PLPP1: variants seen among roughly 807,000 people sequenced by gnomAD.
PLPP1 encodes lipid phosphate phosphohydrolase 1a.
In PLPP1, 24 loss-of-function variants were observed where a neutral mutation model predicts 31.2. The ratio of observed to expected loss-of-function variants is 0.77; its 90% confidence interval spans 0.56 to 1.08. PLPP1 has a LOEUF of 1.08. Ranked by LOEUF, PLPP1 falls within the 50% of genes least tolerant of loss-of-function variation. The pLI is 0.00. For missense variants in PLPP1, 319 were observed against 342.7 expected (o/e 0.93, Z 0.55); for synonymous variants, 146 against 126.3 (o/e 1.16, Z -1.05).
chr5:55,481,362 A>C (rs1041304860), intron 1 of PLPP1, among the ~76,000 whole-genome samples: 1 of 152,192 alleles, frequency 6.6e-6, no homozygotes. Context: ...AGCACCATGG[A>C]TATATTGTTC....
At chr5:55,530,188 C>A (rs1333298225) in intron 1 of PLPP1, 1 of 1,322,886 alleles carries the variant, frequency 7.6e-7, no homozygotes, top group Non-Finnish European at 1.1e-6. Flanking sequence ...TCTTCAACAG[C>A]AGTTTGACAT....
rs35550771 is a variant in PLPP1, at chr5:55,483,669, C to CAA, written c.59-8221_59-8220dup. On this transcript the variant is annotated intron_variant, in intron 1 of 5. Coordinates refer to ENST00000307259, the MANE Select transcript of PLPP1 (RefSeq NM_003711.4). The stretch of plus-strand genomic sequence containing the variant: ...CCTGGGTGACAAAGGGAGACTGTCT[C>CAA]AAAAAAAAAAAAAAAAAACTACATT... 9.1e-3 allele frequency among the ~76,000 whole-genome samples: 1,064 copies of CAA among 117,074 alleles called. 20 individuals carry two copies. The highest frequency in any genetic ancestry group is 0.066 in the South Asian group (214 of 3,222). 76.8% of individuals were successfully genotyped at this position (117,074 alleles called of 152,430 possible). A position where few individuals can be genotyped will look rare whatever the true frequency, so the allele number is the denominator to read the frequency against.
chr5:55,512,099 A>C (rs1753428028), intron 1 of PLPP1, among the ~76,000 whole-genome samples: 1 of 151,840 alleles, frequency 6.6e-6, no homozygotes, highest in Non-Finnish European at 1.5e-5. Flanking sequence ...ATTGCACTCC[A>C]GCCTAGGCAA....
At chr5:55,440,855 G>A (rs1205466061) in intron 4 of PLPP1, among the ~76,000 whole-genome samples, 1 of 151,956 alleles carries the variant, frequency 6.6e-6, no homozygotes, top group Non-Finnish European at 1.5e-5. Flanking sequence ...TTATCATACG[G>A]CACTTAATGT....
At chr5:55,469,100 T>A (rs1342896361) in intron 2 of PLPP1, among the ~76,000 whole-genome samples, 5 of 151,986 alleles carry the variant, frequency 3.3e-5, no homozygotes, top group Non-Finnish European at 7.4e-5. Context: ...CAAACCCATA[T>A]CCTGAGAATT....
At chr5:55,489,432 T>G (rs1288094644) in intron 1 of PLPP1, among the ~76,000 whole-genome samples, 1 of 152,190 alleles carries the variant, frequency 6.6e-6, no homozygotes, top group African/African-American at 2.4e-5. Context: ...AACTAAAATT[T>G]AAGTAACCAG....
intron 3 of PLPP1, among the ~76,000 whole-genome samples, chr5:55,455,623 T>TA (rs1233306750): frequency 6.6e-6 from 1 of 152,158 alleles, no homozygotes. Context: ...CCTGTCTTAA[T>TA]TTTTTAAAAA....
chr5:55,437,015 T>A (rs1462073482), intron 4 of PLPP1, among the ~76,000 whole-genome samples: 1 of 152,144 alleles, frequency 6.6e-6, no homozygotes, highest in African/African-American at 2.4e-5. Flanking sequence ...GTGAGGACAT[T>A]CTACAACCTG....
chr5:55,527,401 T>A (rs1421977497), intron 1 of PLPP1, among the ~76,000 whole-genome samples: 2 of 152,208 alleles, frequency 1.3e-5, no homozygotes, highest in Non-Finnish European at 2.9e-5. Context: ...GACTTTGATT[T>A]GGCATAATGA....
At chr5:55,457,462 C>G (rs1460253112) in intron 3 of PLPP1, among the ~76,000 whole-genome samples, 1 of 152,050 alleles carries the variant, frequency 6.6e-6, no homozygotes, top group East Asian at 1.9e-4. Context: ...ATTTTTATAC[C>G]ATTTTAAATA....
chr5:55,530,152 G>C, intron 1 of PLPP1: 1 of 1,252,488 alleles, frequency 8.0e-7, no homozygotes, highest in Non-Finnish European at 1.2e-6. Context: ...GATGTCTACA[G>C]CCTTCAGATG....
At position 55,475,342 on chromosome 5, in the gene PLPP1, T is replaced by A; in HGVS notation, c.167A>T (p.Tyr56Phe). The A allele has an allele frequency of 6.2e-7, 1 of 1,612,642 alleles. No homozygotes were observed. The highest frequency in any genetic ancestry group is 8.5e-7 in the Non-Finnish European group (1 of 1,179,114). The part of the protein sequence containing the change: ...KYPYKEDTIP[Y>F]ALLGGIIIPF... ...AATGATTATTCCACCTAATAACGCATAAGGTATGGTGTCTTCTTTGTAAGG... is the reference window on the plus strand; with the variant it reads ...AATGATTATTCCACCTAATAACGCAAAAGGTATGGTGTCTTCTTTGTAAGG... Residue 56 changes from tyrosine to phenylalanine, a missense_variant, in exon 2 of 6, where the codon TAT becomes TTT. Coordinates refer to ENST00000307259, the MANE Select transcript of PLPP1 (RefSeq NM_003711.4).
chr5:55,456,938 G>A (rs963347798), intron 3 of PLPP1, among the ~76,000 whole-genome samples: 5 of 152,146 alleles, frequency 3.3e-5, no homozygotes, highest in Non-Finnish European at 5.9e-5. Context: ...AAGGTGGGCA[G>A]ATCATGAGGT....
At chr5:55,448,449 C>T (rs1006465581) in intron 3 of PLPP1, among the ~76,000 whole-genome samples, 31 of 128,214 alleles carry the variant, frequency 2.4e-4, no homozygotes, top group Non-Finnish European at 4.1e-4. Flanking sequence ...ATTCTAGCAC[C>T]TTTTTTTTTT....
intron 3 of PLPP1, among the ~76,000 whole-genome samples, chr5:55,456,461 A>G (rs1175295546): frequency 1.3e-5 from 2 of 152,240 alleles, no homozygotes; most frequent in African/African-American, 4.8e-5. Context: ...TTTCTCCCCA[A>G]TGTCAAGCAT....
intron 2 of PLPP1, chr5:55,468,388 A>T: frequency 5.2e-6 from 2 of 381,220 alleles, no homozygotes; most frequent in Non-Finnish European, 9.4e-6. Flanking sequence ...GGACAAAATT[A>T]TATCATCACT....
At position 55,521,351 on chromosome 5, in the gene PLPP1, C is replaced by CA. The variant is rs35191893; in HGVS notation, c.58+13220dup. On this transcript the variant is annotated intron_variant, in intron 1 of 5. Transcript: ENST00000307259. ...TGGGTGACAGAGCAAGACTCTGTCT[C>CA]AAAAAAAAAAAAAAAATTGGCCAGG... is the stretch of plus-strand genomic sequence containing the variant. 1.1e-4 allele frequency among the ~76,000 whole-genome samples: 15 copies of CA among 141,074 alleles called. No individual in the cohort carries two copies. In the East Asian group the frequency reaches 1.1e-3, roughly 10 times the overall value. 92.6% of individuals were successfully genotyped at this position (141,074 alleles called of 152,430 possible). A position where few individuals can be genotyped will look rare whatever the true frequency, so the allele number is the denominator to read the frequency against.
chr5:55,490,962 AG>A (rs778954654), intron 1 of PLPP1: 6 of 1,607,316 alleles, frequency 3.7e-6, no homozygotes, highest in Non-Finnish European at 5.1e-6. Context: ...TTACTTACAG[AG>A]GAAATGGGCA....
At chr5:55,437,644 A>G (rs1751524180) in intron 4 of PLPP1, among the ~76,000 whole-genome samples, 1 of 152,220 alleles carries the variant, frequency 6.6e-6, no homozygotes, top group African/African-American at 2.4e-5. Flanking sequence ...GGCAAGCCAA[A>G]TTGATTGCTC....
Sources: gnomAD v4.1 joint callset for allele counts (sites outside exome capture counted in the v4.1 genomes callset) on GRCh38, gnomAD v4.1.1 for gene constraint, MANE v1.5 for transcripts, NCBI Gene and HGNC (gene_info 2026-07-23, HGNC 2026-07-21) for gene names.